The following SLC39A13 variants were observed in gnomAD, a reference collection of about 807,000 sequenced individuals.
The protein encoded by SLC39A13 is solute carrier family 39 member 13.
In SLC39A13, 18 loss-of-function variants were observed where a neutral mutation model predicts 38.7. That is an observed-to-expected ratio of 0.47 (90% confidence interval 0.32 to 0.69). SLC39A13 has a LOEUF of 0.69. Ranked by LOEUF, SLC39A13 falls within the 30% of genes least tolerant of loss-of-function variation. The pLI is 0.03. For missense variants in SLC39A13, 395 were observed against 490.7 expected (o/e 0.80, Z 1.84); for synonymous variants, 212 against 219.1 (o/e 0.97, Z 0.29).
At chr11:47,415,253 C>G (rs2096021086) in intron 9 of SLC39A13, 35 bp from the exon 10 acceptor site, 1 of 1,613,614 alleles carries the variant, frequency 6.2e-7, no homozygotes, top group African/African-American at 1.3e-5. Flanking sequence ...CTCCCCCTGC[C>G]CATGCCTCCA....
Position 47,414,889 on chromosome 11 carries a change from C to A in SLC39A13, c.899C>A (p.Thr300Asn). 1 of 1,612,466 alleles carries A rather than the reference C, an allele frequency of 6.2e-7. No homozygotes were observed. Among genetic ancestry groups the A allele is most frequent in the Non-Finnish European group, 8.5e-7 (1 of 1,179,812 alleles). Residue 300 changes from threonine to asparagine, a missense_variant, in exon 8 of 10, where the codon ACC (threonine) becomes AAC (asparagine). Transcript: ENST00000362021. The stretch of plus-strand genomic sequence containing the variant: ...CTGGGCGCTGGCTTCGCCATCTGTA[C>A]CCAGTCCCCCAAGGGAGTAGGTACG... ...GLLGAGFAIC[T>N]QSPKGVVGCS...
At chr11:47,409,733 A>T in intron 1 of SLC39A13, 1 of 294,582 alleles carries the variant, frequency 3.4e-6, no homozygotes, top group Non-Finnish European at 6.6e-6. Flanking sequence ...CGCGGGCGGC[A>T]GGGCCTCCCC....
chr11:47,410,905 G>C (rs1471818408), intron 2 of SLC39A13, among the ~76,000 whole-genome samples: 1 of 152,206 alleles, frequency 6.6e-6, no homozygotes, highest in Non-Finnish European at 1.5e-5. Context: ...CCAGGCACTG[G>C]GCTGAGGGCG....
intron 5 of SLC39A13, 41 bp downstream of exon 5, chr11:47,413,548 G>C (rs780192234): frequency 1.9e-6 from 3 of 1,613,986 alleles, no homozygotes; most frequent in Non-Finnish European, 2.5e-6. Context: ...GTACTGCCCT[G>C]AGTGGCCAGC....
In SLC39A13 at chr11:47,415,623, T is replaced by G. The variant is rs1280361430; in HGVS notation, c.*260T>G. The stretch of plus-strand genomic sequence containing the variant: ...TCCCCAGCCATGCTGTGGTTACCTC[T>G]CCTTGCCGCCCTGTCACCTTCACCT... On this transcript the variant is annotated 3_prime_UTR_variant, in exon 10 of 10. Transcript: ENST00000362021. 5 of 596,756 alleles carry G rather than the reference T, an allele frequency of 8.4e-6. No individual in the cohort carries two copies. The highest frequency in any genetic ancestry group is 1.5e-5 in the Non-Finnish European group (5 of 326,752). 37.0% of individuals were successfully genotyped at this position (596,756 alleles called of 1,614,324 possible). A position where few individuals can be genotyped will look rare whatever the true frequency, so the allele number is the denominator to read the frequency against.
rs201171782 is a variant in SLC39A13 at position 47,415,000 on chromosome 11, C to T, written c.920-39C>T. On this transcript the variant is annotated intron_variant, in intron 8 of 9. Coordinates refer to ENST00000362021, the MANE Select transcript of SLC39A13 (RefSeq NM_001128225.3). ...CTACCGCACTGCTGGTCCCCAGGCC[C>T]GGGAGGTGGGGAGCACACACAGTGC... 63 of 1,611,474 alleles carry T rather than the reference C, an allele frequency of 3.9e-5. No individual in the cohort carries two copies. In the South Asian group the frequency reaches 5.6e-4, roughly 14 times the overall value.
At position 47,415,392 on chromosome 11, in the gene SLC39A13, C is replaced by T. The variant is rs1385330489; in HGVS notation, c.*29C>T. 1.2e-6 allele frequency: 2 copies of T among 1,611,812 alleles called. No homozygotes were observed. Among genetic ancestry groups the T allele is most frequent in the Admixed American group, 1.7e-5 (1 of 60,024 alleles). On this transcript the variant is annotated 3_prime_UTR_variant, in exon 10 of 10. Transcript: ENST00000362021. ...TCCCTGATGCCGACGCCCCTGCCCC[C>T]TGCAGCAATAAGATGCTCGGATTCA...
intron 1 of SLC39A13, chr11:47,409,850 T>G (rs1595876884): frequency 3.8e-6 from 2 of 521,348 alleles, no homozygotes; most frequent in Non-Finnish European, 6.9e-6. Context: ...CAGGCGGAGG[T>G]GCTGACACAG....
intron 4 of SLC39A13, among the ~76,000 whole-genome samples, chr11:47,412,793 G>A (rs1441570244): frequency 3.1e-5 from 4 of 130,606 alleles, no homozygotes; most frequent in African/African-American, 1.2e-4. Context: ...ACGGAGTCTC[G>A]CTCTGTCACC....
chr11:47,414,989 G>C, intron 8 of SLC39A13, 50 bp from the exon 9 acceptor site: 1 of 1,610,730 alleles, frequency 6.2e-7, no homozygotes, highest in Non-Finnish European at 8.5e-7. Flanking sequence ...CGCACTGCTG[G>C]TCCCCAGGCC....
intron 4 of SLC39A13, 57 bp from the exon 5 acceptor site, chr11:47,413,343 G>A: frequency 6.5e-7 from 1 of 1,547,150 alleles, no homozygotes; most frequent in African/African-American, 1.4e-5. Context: ...CCTTCTGTCT[G>A]CCCTGGCTGA....
chr11:47,408,560 G>GGGCCGGGCGGCCGGGC (rs527650374), upstream of SLC39A13: 3 of 146,292 alleles, frequency 2.1e-5, no homozygotes, highest in Admixed American at 6.8e-5. Flanking sequence ...CCCGGGCCGG[G>GGGCCGGGCGGCCGGGC]GGCCGGGCGG....
chr11:47,414,496 C>CCCCAGGGG (rs1246672481), intron 7 of SLC39A13, 21 bp downstream of exon 7: 6 of 1,610,312 alleles, frequency 3.7e-6, no homozygotes, highest in Admixed American at 1.7e-5. Flanking sequence ...GTAGGGCAGC[C>CCCCAGGGG]CCCAGGGGCC....
At chr11:47,411,124 C>T (rs551903793) in intron 2 of SLC39A13, among the ~76,000 whole-genome samples, 1 of 152,316 alleles carries the variant, frequency 6.6e-6, no homozygotes, top group South Asian at 2.1e-4. Context: ...CACCCCAAAC[C>T]CAGCTGCCTC....
At chr11:47,414,216 TGTGA>T (rs2096014283) in intron 6 of SLC39A13, 1 of 636,172 alleles carries the variant, frequency 1.6e-6, no homozygotes, top group Non-Finnish European at 2.8e-6. Flanking sequence ...CCTGTGAGTG[TGTGA>T]GTGAGTCCTG....
At position 47,412,425 on chromosome 11, in the gene SLC39A13, G is replaced by A; in HGVS notation, c.495G>A (p.Leu165=). The A allele has an allele frequency of 6.2e-7, 1 of 1,614,242 alleles. No homozygotes were observed. The highest frequency in any genetic ancestry group is 1.1e-5 in the South Asian group (1 of 91,086). Reference sequence around the variant, plus strand: ...CTGGCATCCTGACCTTCCTGGCGTTGGAGAAGATGTTCCTGGACAGCAAGG... The same window carrying A: ...CTGGCATCCTGACCTTCCTGGCGTTAGAGAAGATGTTCCTGGACAGCAAGG... ...VIAGILTFLA[L]EKMFLDSKEE... is the part of the protein sequence containing the mutation. The change falls in exon 4 of 10, where the codon TTG becomes TTA. Residue 165 remains leucine, a synonymous_variant. Coordinates refer to ENST00000362021, the MANE Select transcript of SLC39A13 (RefSeq NM_001128225.3).
At chr11:47,412,565 G>C in intron 4 of SLC39A13, 98 bp downstream of exon 4, 1 of 1,590,046 alleles carries the variant, frequency 6.3e-7, no homozygotes, top group South Asian at 1.1e-5. Context: ...CCTGAAAAGA[G>C]GGGTCTCCTG....
Position 47,412,353 on chromosome 11 carries a change from G to T in SLC39A13, c.423G>T (p.Glu141Asp), listed in dbSNP as rs1286326566. The T allele has an allele frequency of 6.2e-7, 1 of 1,613,666 alleles. No individual in the cohort carries two copies. Among genetic ancestry groups the T allele is most frequent in the Non-Finnish European group, 8.5e-7 (1 of 1,179,776 alleles). The change falls in exon 4 of 10, where the codon GAG becomes GAT. Residue 141 changes from glutamate (E) to aspartate (D), a missense_variant. Physicochemically the swap from Glu to Asp is conservative, Grantham distance 45. Coordinates refer to ENST00000362021, the MANE Select transcript of SLC39A13 (RefSeq NM_001128225.3). ...AYTCSASPGG[E>D]GQSLQQQQQL... ...CATTGCCGCCCCCTGCAGGTGGTGA[G>T]GGGCAGAGCCTGCAGCAGCAGCAAC... is the stretch of plus-strand genomic sequence containing the variant.
At chr11:47,413,537 C>T (rs373164070) in intron 5 of SLC39A13, 30 bp downstream of exon 5, 14 of 1,613,866 alleles carry the variant, frequency 8.7e-6, no homozygotes, top group Middle Eastern at 1.6e-4. Context: ...CCCCTGCAGC[C>T]GTACTGCCCT....
Sources: gnomAD v4.1 joint callset for allele counts (sites outside exome capture counted in the v4.1 genomes callset) on GRCh38, gnomAD v4.1.1 for gene constraint, MANE v1.5 for transcripts, NCBI Gene and HGNC (gene_info 2026-07-23, HGNC 2026-07-21) for gene names.